The following CAMK2G variants were observed in gnomAD, a reference collection of about 807,000 sequenced individuals.
CAMK2G encodes the protein calcium/calmodulin dependent protein kinase II gamma.
CAMK2G carries 23 observed loss-of-function variants against 88.7 expected under a neutral mutation model. That is an observed-to-expected ratio of 0.26 (90% CI 0.19 to 0.37). The LOEUF is 0.37. CAMK2G is among the 10% of genes least tolerant of loss of function. The pLI is 1.00. For synonymous variants in CAMK2G, 263 were observed against 294.8 expected (o/e 0.89, Z 1.11); for missense variants, 476 against 780.8 (o/e 0.61, Z 4.65).
intron 19 of CAMK2G, 50 bp downstream of exon 19, chr10:73,819,482 C>T: frequency 7.4e-7 from 1 of 1,349,018 alleles, no homozygotes; most frequent in Non-Finnish European, 1.0e-6. Context: ...TGAGGGGCTT[C>T]AGGACGAGCC....
At chr10:73,859,647 T>C (rs1394373973) in intron 3 of CAMK2G, among the ~76,000 whole-genome samples, 1 of 152,208 alleles carries the variant, frequency 6.6e-6, no homozygotes, top group East Asian at 1.9e-4. Context: ...CAGAACACAC[T>C]GCATCAGGCA....
chr10:73,824,715 C>T (rs2090332030), intron 16 of CAMK2G, among the ~76,000 whole-genome samples: 1 of 152,202 alleles, frequency 6.6e-6, no homozygotes, highest in African/African-American at 2.4e-5. Flanking sequence ...TCTAGTTAGC[C>T]ACCACTAGCA....
At chr10:73,858,095 C>A (rs2095171151) in intron 3 of CAMK2G, among the ~76,000 whole-genome samples, 1 of 152,218 alleles carries the variant, frequency 6.6e-6, no homozygotes, top group Non-Finnish European at 1.5e-5. Context: ...GAGTTTATAT[C>A]AGGGTTCACT....
At position 73,846,081 on chromosome 10, in the gene CAMK2G, C is replaced by A. The variant is rs1488369858; in HGVS notation, c.819+1144G>T. ...TACAGGCACATGCCACCATGCCTGG[C>A]AATTCATTTCCTCACAACTTCCAAA... is the stretch of plus-strand genomic sequence containing the variant. On this transcript the variant is annotated intron_variant, in intron 10 of 22. Transcript: ENST00000423381. 2.0e-5 allele frequency among the ~76,000 whole-genome samples: 3 copies of A among 152,108 alleles called. No homozygotes were observed. In the East Asian group the frequency reaches 5.8e-4, roughly 29 times the overall value.
chr10:73,869,677 G>T (rs566348935), intron 2 of CAMK2G, among the ~76,000 whole-genome samples: 14 of 152,314 alleles, frequency 9.2e-5, no homozygotes, highest in Admixed American at 7.8e-4. Context: ...AACACATAAG[G>T]ACCCTTCCCT....
chr10:73,841,813 T>TTAAAAA, intron 12 of CAMK2G: 1 of 222,796 alleles, frequency 4.5e-6, no homozygotes, highest in South Asian at 8.3e-5. Context: ...CTGTACCTCA[T>TTAAAAA]CTCTCTTTTC....
At chr10:73,828,697 T>C (rs1287187415) in intron 14 of CAMK2G, among the ~76,000 whole-genome samples, 1 of 152,254 alleles carries the variant, frequency 6.6e-6, no homozygotes, top group Non-Finnish European at 1.5e-5. Context: ...TTTGTCAGTA[T>C]AGCCATGCTT....
rs921311985 is a variant in CAMK2G, at chr10:73,848,212, C to T, written c.602-130G>A. 2.5e-5 allele frequency: 17 copies of T among 676,768 alleles called. No homozygotes were observed. Among genetic ancestry groups the T allele is most frequent in the East Asian group, 1.3e-4 (5 of 39,946 alleles). 41.9% of individuals were successfully genotyped at this position (676,768 alleles called of 1,614,324 possible). ...ACCAGAGTCAGAAGTGGATGCCAGC[C>T]GATAATGCTATGCTACCAGCCCCTC... is the stretch of plus-strand genomic sequence containing the variant. On this transcript the variant is annotated intron_variant, in intron 8 of 22. Coordinates refer to ENST00000423381, the MANE Select transcript of CAMK2G (RefSeq NM_001367534.1). This position sits in a 1 kb window ranked among gnomAD's most constrained non-coding sequence, Gnocchi z 4.5.
At chr10:73,825,380 C>G in intron 15 of CAMK2G, 33 bp from the exon 16 acceptor site, 1 of 1,571,100 alleles carries the variant, frequency 6.4e-7, no homozygotes, top group Non-Finnish European at 8.8e-7. Flanking sequence ...TTAGTTCCTC[C>G]AGAGTCCCCA....
rs752302260 is a variant in CAMK2G, at chr10:73,813,455, G to C, written c.*1063C>G. 6.6e-6 allele frequency: 1 copy of C among 152,662 alleles called. No homozygotes were observed. Among genetic ancestry groups the C allele is most frequent in the Non-Finnish European group, 1.5e-5 (1 of 68,074 alleles). The allele number at this position is 152,662 out of a possible 1,614,324, so 9.5% of individuals were successfully genotyped here. A position where few individuals can be genotyped will look rare whatever the true frequency, so the allele number is the denominator to read the frequency against. On this transcript the variant is annotated 3_prime_UTR_variant, in exon 23 of 23. Coordinates refer to ENST00000423381, the MANE Select transcript of CAMK2G (RefSeq NM_001367534.1). Reference sequence around the variant, plus strand: ...AAAGGCAGCCTGAATGCATAGAAACGACCACCACCTCTTCTCCCACTGCCT... The same window carrying C: ...AAAGGCAGCCTGAATGCATAGAAACCACCACCACCTCTTCTCCCACTGCCT...
intron 19 of CAMK2G, among the ~76,000 whole-genome samples, chr10:73,819,268 C>T (rs909336405): frequency 1.3e-5 from 2 of 152,146 alleles, no homozygotes; most frequent in African/African-American, 4.8e-5. Flanking sequence ...GCCCACTGCA[C>T]ATCCTGGGGG....
chr10:73,834,560 C>A (rs2092972590), intron 14 of CAMK2G, among the ~76,000 whole-genome samples: 1 of 152,218 alleles, frequency 6.6e-6, no homozygotes, highest in Non-Finnish European at 1.5e-5. Flanking sequence ...TTTCCCCCTA[C>A]CTCTCTGTCC....
intron 1 of CAMK2G, chr10:73,873,571 C>T (rs2095925969): frequency 1.0e-6 from 1 of 987,910 alleles, no homozygotes; most frequent in Non-Finnish European, 1.2e-6. Context: ...AGGCTCAAAC[C>T]CCCCCACAGC....
At chr10:73,845,576 CAAAAAAA>C (rs987303671) in intron 10 of CAMK2G, among the ~76,000 whole-genome samples, 1 of 100,298 alleles carries the variant, frequency 1.0e-5, no homozygotes. Context: ...GACTCCATCT[CAAAAAAA>C]AAAAAAAAAA....
chr10:73,872,814 G>A (rs1337112006), intron 2 of CAMK2G, among the ~76,000 whole-genome samples, 175 bp downstream of exon 2: 1 of 152,132 alleles, frequency 6.6e-6, no homozygotes, highest in Non-Finnish European at 1.5e-5. Flanking sequence ...GGCGCTTCCA[G>A]TCCCCCATGC....
In CAMK2G at chr10:73,856,077, T is replaced by G. The variant is rs530692734; in HGVS notation, c.221-2831A>C. On this transcript the variant is annotated intron_variant, in intron 3 of 22. Transcript: ENST00000423381. Reference sequence around the variant, plus strand: ...TGTGAGCCACCGCACCCCATCAGATTCTGATAATAACAATCTAAATCTAAC... The same window carrying G: ...TGTGAGCCACCGCACCCCATCAGATGCTGATAATAACAATCTAAATCTAAC... 9.2e-5 allele frequency among the ~76,000 whole-genome samples: 14 copies of G among 152,238 alleles called. 1 individual carries two copies. In the East Asian group the frequency reaches 1.9e-3, roughly 21 times the overall value.
chr10:73,855,632 T>C (rs995434750), intron 3 of CAMK2G, among the ~76,000 whole-genome samples: 4 of 152,042 alleles, frequency 2.6e-5, no homozygotes, highest in African/African-American at 7.3e-5. Context: ...CATGGAGTCA[T>C]TGGCGTCTGC....
At chr10:73,861,283 A>G (rs1348797720) in intron 2 of CAMK2G, among the ~76,000 whole-genome samples, 3 of 152,226 alleles carry the variant, frequency 2.0e-5, no homozygotes, top group Non-Finnish European at 4.4e-5. Flanking sequence ...CTGGGATTTG[A>G]ATCCAGGTAT....
intron 22 of CAMK2G, 108 bp downstream of exon 22, chr10:73,814,895 G>A: frequency 1.4e-6 from 1 of 707,058 alleles, no homozygotes; most frequent in Non-Finnish European, 2.4e-6. Flanking sequence ...AGTCCTCTGG[G>A]ACGGCCCACA....
Sources: allele counts gnomAD v4.1 joint callset (sites outside exome capture counted in the v4.1 genomes callset), GRCh38; gene constraint gnomAD v4.1.1; non-coding constraint Gnocchi (gnomAD v3.1); transcripts MANE v1.5; gene names NCBI Gene and HGNC (gene_info 2026-07-23, HGNC 2026-07-21).